The following SEMA3D variants were observed in gnomAD, a reference collection of about 807,000 sequenced individuals.
SEMA3D encodes the protein semaphorin 3D, also known as semaphorin-3D.
In SEMA3D, 84 loss-of-function variants were observed where a neutral mutation model predicts 100.1. That is an observed-to-expected ratio of 0.84 (90% CI 0.70 to 1.01). The LOEUF is 1.01. Among genes scored for constraint, SEMA3D ranks in the 50% least tolerant of loss-of-function variants. The probability of loss-of-function intolerance (pLI) is 0.00; values close to 1 mark genes in which losing one functional copy is unlikely to be tolerated. For missense variants in SEMA3D, 875 were observed against 934.1 expected, an observed-to-expected ratio of 0.94 and a Z score of 0.82; for synonymous variants, 312 against 320.7, an observed-to-expected ratio of 0.97 and a Z score of 0.29.
intron 5 of SEMA3D, among the ~76,000 whole-genome samples, chr7:85,080,409 A>G (rs1314605782): frequency 1.3e-5 from 2 of 152,176 alleles, no homozygotes; most frequent in Non-Finnish European, 2.9e-5. Flanking sequence ...TTTTATTTCT[A>G]TCACATTGAT....
chr7:85,060,179 G>A (rs1439539053), intron 8 of SEMA3D, among the ~76,000 whole-genome samples: 4 of 152,194 alleles, frequency 2.6e-5, no homozygotes, highest in Non-Finnish European at 5.9e-5. Context: ...TTTTGCAAGG[G>A]AATACTGGAG....
At chr7:85,014,594 A>G (rs1790045324) in intron 16 of SEMA3D, among the ~76,000 whole-genome samples, 1 of 151,806 alleles carries the variant, frequency 6.6e-6, no homozygotes, top group Non-Finnish European at 1.5e-5. Flanking sequence ...TATAATTATT[A>G]GAGTAAAAAT....
At chr7:85,036,550 G>T (rs1023291419) in intron 12 of SEMA3D, among the ~76,000 whole-genome samples, 24 of 152,078 alleles carry the variant, frequency 1.6e-4, no homozygotes, top group African/African-American at 5.8e-4. Flanking sequence ...CTGTATGTGA[G>T]AAATAATACT....
intron 12 of SEMA3D, among the ~76,000 whole-genome samples, chr7:85,033,541 T>G (rs1790603634): frequency 6.6e-6 from 1 of 152,130 alleles, no homozygotes; most frequent in Non-Finnish European, 1.5e-5. Flanking sequence ...TCGATACTTA[T>G]TTTCTATTTC....
At chr7:85,150,861 T>C (rs2116489943) in intron 2 of SEMA3D, among the ~76,000 whole-genome samples, 1 of 152,140 alleles carries the variant, frequency 6.6e-6, no homozygotes. Flanking sequence ...TTACATTGAA[T>C]TCCCTCTGTG....
the SEMA3D span, among the ~76,000 whole-genome samples, chr7:85,213,083 G>A: frequency 1.2e-4 from 18 of 151,950 alleles, no homozygotes; most frequent in African/African-American, 3.9e-4. Context: ...ACTATTGGAC[G>A]ATTAGTTTTC....
At chr7:85,001,525 C>G (rs78732882) in intron 18 of SEMA3D, among the ~76,000 whole-genome samples, 1 of 152,036 alleles carries the variant, frequency 6.6e-6, no homozygotes, top group Admixed American at 6.6e-5. Flanking sequence ...TAATACACTA[C>G]GTATAATTGT....
At chr7:85,104,373 T>G (rs552689614) in intron 3 of SEMA3D, among the ~76,000 whole-genome samples, 9 of 152,270 alleles carry the variant, frequency 5.9e-5, no homozygotes, top group African/African-American at 2.2e-4. Flanking sequence ...TTTTTATCTA[T>G]ATTTCCTTTA....
chr7:85,004,099 G>T (rs1302114102), intron 18 of SEMA3D, among the ~76,000 whole-genome samples: 1 of 151,740 alleles, frequency 6.6e-6, no homozygotes, highest in Non-Finnish European at 1.5e-5. Flanking sequence ...AATACCTATG[G>T]ATAACTACGG....
chr7:85,081,393 A>G, intron 5 of SEMA3D, 124 bp downstream of exon 5: 1 of 595,424 alleles, frequency 1.7e-6, no homozygotes, highest in Non-Finnish European at 3.0e-6. Flanking sequence ...ATTCACATAG[A>G]ATATGTTAGT....
chr7:85,032,842 T>A (rs1168788836), intron 12 of SEMA3D, among the ~76,000 whole-genome samples: 1 of 151,994 alleles, frequency 6.6e-6, no homozygotes, highest in East Asian at 1.9e-4. Flanking sequence ...GACATAATAT[T>A]TGATGAAAGA....
chr7:85,108,391 A>G (rs1788993555), intron 3 of SEMA3D, among the ~76,000 whole-genome samples: 1 of 152,050 alleles, frequency 6.6e-6, no homozygotes, highest in Non-Finnish European at 1.5e-5. Flanking sequence ...CCCAATTGTG[A>G]TAATGCTTTG....
At chr7:85,099,974 A>G (rs1788694228) in intron 3 of SEMA3D, among the ~76,000 whole-genome samples, 2 of 151,942 alleles carry the variant, frequency 1.3e-5, no homozygotes, top group African/African-American at 4.8e-5. Flanking sequence ...TCCAGTCTGC[A>G]GCTTGTCTTT....
At chr7:85,138,087 C>T (rs1789915708) in intron 2 of SEMA3D, among the ~76,000 whole-genome samples, 1 of 152,070 alleles carries the variant, frequency 6.6e-6, no homozygotes, top group African/African-American at 2.4e-5. Context: ...CTTAAATCTA[C>T]TTCAGATAGC....
chr7:85,123,959 C>T (rs1554345789), intron 2 of SEMA3D, among the ~76,000 whole-genome samples: 1 of 151,906 alleles, frequency 6.6e-6, no homozygotes, highest in Admixed American at 6.6e-5. Context: ...CTGACCAAAA[C>T]CTACACCATC....
At chr7:85,134,374 G>A (rs906425427) in intron 2 of SEMA3D, among the ~76,000 whole-genome samples, 1 of 151,806 alleles carries the variant, frequency 6.6e-6, no homozygotes, top group Non-Finnish European at 1.5e-5. Flanking sequence ...AGGCTTATTT[G>A]GATATTGTAA....
the SEMA3D span, among the ~76,000 whole-genome samples, chr7:85,196,387 T>C: frequency 6.6e-6 from 1 of 152,228 alleles, no homozygotes; most frequent in South Asian, 2.1e-4. Context: ...AATATCTTCA[T>C]GAGCTTAGAG....
At position 85,168,820 on chromosome 7, in the gene SEMA3D, T is replaced by TA. The variant is rs759667781; in HGVS notation, c.-172-15082_-172-15081insT. Among the ~76,000 whole-genome samples the TA allele has an allele frequency of 4.7e-4, 57 of 121,152 alleles. 1 individual carries two copies. The highest frequency in any genetic ancestry group is 8.1e-4 in the Non-Finnish European group (46 of 56,844). The allele number at this position is 121,152 out of a possible 152,430, so 79.5% of individuals were successfully genotyped here. On this transcript the variant is annotated intron_variant, in intron 1 of 18. Transcript: ENST00000284136. ...TGACAAAGAAAGAAAGAAAGAAAGA[T>TA]GAAAGAAAGAAAGAAAGAAAGAAAG...
the SEMA3D span, among the ~76,000 whole-genome samples, chr7:85,249,596 T>A: frequency 1.3e-5 from 2 of 152,206 alleles, no homozygotes; most frequent in Non-Finnish European, 2.9e-5. Flanking sequence ...CTTTAACTGA[T>A]GATCAATTAA....
Sources: allele counts gnomAD v4.1 joint callset (sites outside exome capture counted in the v4.1 genomes callset), GRCh38; gene constraint gnomAD v4.1.1; transcripts MANE v1.5; gene names NCBI Gene and HGNC (gene_info 2026-07-23, HGNC 2026-07-21).